The following APPL2 variants were observed in gnomAD, a reference collection of about 807,000 sequenced individuals.
The protein encoded by APPL2 is adaptor protein, phosphotyrosine interacting with PH domain and leucine zipper 2.
Under a neutral mutation model 92.7 loss-of-function variants are expected in APPL2, and 84 were observed. That is an observed-to-expected ratio of 0.91 (90% CI 0.76 to 1.09). The LOEUF (loss-of-function observed/expected upper bound fraction) is 1.09. APPL2 is among the 50% of genes least tolerant of loss of function. The pLI, the probability that APPL2 is intolerant of heterozygous loss-of-function variation, is 0.00. For synonymous variants in APPL2, 291 were observed against 291.0 expected, an observed-to-expected ratio of 1.00 and a Z score of 0.00; for missense variants, 736 against 824.5, an observed-to-expected ratio of 0.89 and a Z score of 1.31.
intron 20 of APPL2, among the ~76,000 whole-genome samples, chr12:105,175,725 G>T (rs1885467030): frequency 6.6e-6 from 1 of 151,910 alleles, no homozygotes; most frequent in Non-Finnish European, 1.5e-5. Flanking sequence ...GAGGAGCAAG[G>T]CCTTAGAGCA....
At chr12:105,195,678 G>A (rs748182195) in intron 11 of APPL2, 51 bp from the exon 12 acceptor site, 33 of 1,599,112 alleles carry the variant, frequency 2.1e-5, no homozygotes, top group Non-Finnish European at 2.7e-5. Context: ...CTCAGTGACT[G>A]GGAATTTCTC....
Position 105,174,302 on chromosome 12 carries a change from G to A in APPL2, c.*12C>T, listed in dbSNP as rs780792172. On this transcript the variant is annotated 3_prime_UTR_variant, in exon 21 of 21. Transcript: ENST00000258530. ...CCTTCCTGTTTGCTCTTCCCCCACA[G>A]GCGCAAGTGAGTTATGCTTCGGATT... The A allele has an allele frequency of 4.3e-6, 7 of 1,612,846 alleles. No homozygotes were observed. In the African/African-American group the frequency reaches 6.7e-5, roughly 15 times the overall value.
At chr12:105,208,086 A>G in intron 6 of APPL2, 57 bp from the exon 7 acceptor site, 1 of 1,613,470 alleles carries the variant, frequency 6.2e-7, no homozygotes, top group Non-Finnish European at 8.5e-7. Flanking sequence ...AGGGAAGAAC[A>G]TTCATTGGGG....
chr12:105,188,832 G>T (rs765378470), intron 16 of APPL2, among the ~76,000 whole-genome samples: 3 of 152,114 alleles, frequency 2.0e-5, no homozygotes, highest in East Asian at 1.9e-4. Flanking sequence ...TCTTAGAAAA[G>T]AAATTTTATT....
chr12:105,190,397 T>C (rs547228636), intron 14 of APPL2, among the ~76,000 whole-genome samples: 8 of 152,306 alleles, frequency 5.3e-5, no homozygotes, highest in Admixed American at 3.9e-4. Flanking sequence ...GTGTTACTAG[T>C]TTTCTGTCTG....
rs769421799 is a variant in APPL2, at chr12:105,211,290, T to C, written c.313A>G (p.Lys105Glu). The change falls in exon 5 of 21, where the codon AAA becomes GAA. Residue 105 changes from lysine to glutamate, a missense_variant. Transcript: ENST00000258530. The stretch of plus-strand genomic sequence containing the variant: ...AGAACCATTGTGTCTGCCAACTGTT[T>C]AGCCAGCTCTGTATGGAGAAGATTA... ...ELNLLHTELA[K>E]QLADTMVLPI... 1 of 1,613,752 alleles carries C rather than the reference T, an allele frequency of 6.2e-7. No homozygotes were observed.
In APPL2 at chr12:105,199,440, A is replaced by G; in HGVS notation, c.796T>C (p.Ser266Pro). ...SVDESVYTPD[S>P]DVAAPQINRN... ...TTGATCTGTGGTGCGGCCACATCAGAGTCTGGAGTGTAAACAGATTCATCA... is the reference window on the plus strand; with the variant it reads ...TTGATCTGTGGTGCGGCCACATCAGGGTCTGGAGTGTAAACAGATTCATCA... Residue 266 changes from serine to proline, a missense_variant, in exon 10 of 21, where the codon TCT (serine) becomes CCT (proline). Physicochemically the swap from Ser to Pro is moderately conservative, Grantham distance 74 (BLOSUM62 -1). Coordinates refer to ENST00000258530, the MANE Select transcript of APPL2 (RefSeq NM_018171.5). 1.2e-6 allele frequency: 2 copies of G among 1,614,192 alleles called. No individual in the cohort carries two copies. Among genetic ancestry groups the G allele is most frequent in the Non-Finnish European group, 1.7e-6 (2 of 1,180,034 alleles).
rs114265761 is a variant in APPL2, at chr12:105,208,309, C to T, written c.374-110G>A. ...GAGAATATGCGTGCAAGGGAAGCCC[C>T]TGCACCCTCAGTCCCTGGCTCTCAC... is the stretch of plus-strand genomic sequence containing the variant. On this transcript the variant is annotated intron_variant, in intron 5 of 20. Coordinates refer to ENST00000258530, the MANE Select transcript of APPL2 (RefSeq NM_018171.5). 11,225 of 1,301,752 alleles carry T rather than the reference C, an allele frequency of 8.6e-3. 238 individuals carry two copies. Among genetic ancestry groups the T allele is most frequent in the African/African-American group, 0.074 (5,072 of 68,348 alleles). 80.6% of individuals were successfully genotyped at this position (1,301,752 alleles called of 1,614,324 possible).
intron 8 of APPL2, among the ~76,000 whole-genome samples, chr12:105,204,948 C>G (rs1173930462): frequency 1.3e-5 from 2 of 152,190 alleles, no homozygotes; most frequent in East Asian, 3.9e-4. Flanking sequence ...GATTACAGAG[C>G]CTCAGTTTGC....
chr12:105,219,449 T>C (rs931692100), intron 2 of APPL2, among the ~76,000 whole-genome samples: 2 of 152,196 alleles, frequency 1.3e-5, no homozygotes, highest in African/African-American at 2.4e-5. Flanking sequence ...TCTAGCCACA[T>C]AGTCAGGAAG....
At chr12:105,214,732 G>A (rs1889522432) in intron 4 of APPL2, among the ~76,000 whole-genome samples, 1 of 150,652 alleles carries the variant, frequency 6.6e-6, no homozygotes, top group South Asian at 2.1e-4. Flanking sequence ...TGATGGGAGT[G>A]TCTTTTGTTC....
chr12:105,214,357 C>A (rs1000476933), intron 4 of APPL2, among the ~76,000 whole-genome samples: 2 of 152,202 alleles, frequency 1.3e-5, no homozygotes, highest in Non-Finnish European at 2.9e-5. Context: ...CAACTCTCTT[C>A]TCAAGCAAAC....
chr12:105,203,687 C>A lies in APPL2; in HGVS notation c.704+16G>T, dbSNP rs565966535. Reference sequence around the variant, plus strand: ...AGGCAAGGGGCACACAAGACCCGGCCGGAGTGCAGCATTACCTTTGAACCA... The same window carrying A: ...AGGCAAGGGGCACACAAGACCCGGCAGGAGTGCAGCATTACCTTTGAACCA... On this transcript the variant is annotated intron_variant, in intron 9 of 20. Coordinates refer to ENST00000258530, the MANE Select transcript of APPL2 (RefSeq NM_018171.5). The A allele has an allele frequency of 1.2e-6, 2 of 1,613,350 alleles. No homozygotes were observed. Among genetic ancestry groups the A allele is most frequent in the Admixed American group, 3.3e-5 (2 of 60,014 alleles).
rs1010601336 is a variant in APPL2, at chr12:105,174,200, A to T, written c.*114T>A. ...TCAAGGCATCAAGATTACATTCCAC[A>T]AACGATTGTCAGCCTTCGGAAATCA... On this transcript the variant is annotated 3_prime_UTR_variant, in exon 21 of 21. Coordinates refer to ENST00000258530, the MANE Select transcript of APPL2 (RefSeq NM_018171.5). 7.5e-7 allele frequency: 1 copy of T among 1,337,840 alleles called. No individual in the cohort carries two copies. The highest frequency in any genetic ancestry group is 1.5e-5 in the South Asian group (1 of 65,872). The allele number at this position is 1,337,840 out of a possible 1,614,324, so 82.9% of individuals were successfully genotyped here. A position where few individuals can be genotyped will look rare whatever the true frequency, so the allele number is the denominator to read the frequency against.
At chr12:105,176,595 G>T (rs559777415) in intron 19 of APPL2, among the ~76,000 whole-genome samples, 13 of 152,094 alleles carry the variant, frequency 8.5e-5, no homozygotes, top group African/African-American at 2.9e-4. Flanking sequence ...CAAATTTGAG[G>T]GGAACTGCTT....
intron 19 of APPL2, 54 bp downstream of exon 19, chr12:105,176,822 A>G: frequency 6.3e-7 from 1 of 1,582,672 alleles, no homozygotes; most frequent in Non-Finnish European, 8.6e-7. Context: ...AAACTCTTTT[A>G]AAATGGACTT....
At chr12:105,182,668 A>G (rs1566051332) in intron 17 of APPL2, among the ~76,000 whole-genome samples, 1 of 152,142 alleles carries the variant, frequency 6.6e-6, no homozygotes, top group Non-Finnish European at 1.5e-5. Context: ...GGAGTATTTT[A>G]CTTCCGATTA....
chr12:105,200,864 G>GTATGTATGTATGTATCTATCTATC (rs757298388), intron 9 of APPL2, among the ~76,000 whole-genome samples: 1 of 135,066 alleles, frequency 7.4e-6, no homozygotes, highest in Non-Finnish European at 1.6e-5. Flanking sequence ...ATGTATGTAT[G>GTATGTATGTATGTATCTATCTATC]TATCTATCTA....
rs375608143 is a variant in APPL2, at chr12:105,190,062, C to G, written c.1335G>C (p.Ala445=). 3 of 1,614,202 alleles carry G rather than the reference C, an allele frequency of 1.9e-6. No homozygotes were observed. In the South Asian group the frequency reaches 3.3e-5, roughly 18 times the overall value. Residue 445 remains alanine, a synonymous_variant, in exon 15 of 21, where the codon GCG becomes GCC. Transcript: ENST00000258530. ...TATCGAATTGAATCGGCGTTCCAGG[C>G]GCGATCAGCTCCTCTGCTTCAGGTA... ...ASLPEAEELI[A]PGTPIQFDIV... is the part of the protein sequence containing the mutation.
Sources: allele counts gnomAD v4.1 joint callset (sites outside exome capture counted in the v4.1 genomes callset), GRCh38; gene constraint gnomAD v4.1.1; transcripts MANE v1.5; gene names NCBI Gene and HGNC (gene_info 2026-07-23, HGNC 2026-07-21).